Variants in NEGR1 observed in about 807,000 individuals in gnomAD.
NEGR1 encodes IgLON family member 4.
In NEGR1, 10 loss-of-function variants were observed where a neutral mutation model predicts 40.9. The observed-to-expected ratio is 0.24, with a 90% CI of 0.15 to 0.42. The LOEUF (loss-of-function observed/expected upper bound fraction) is 0.42. Ranked by LOEUF, NEGR1 falls within the 10% of genes least tolerant of loss-of-function variation. NEGR1 has a pLI of 1.00. For synonymous variants in NEGR1, 185 were observed against 166.8 expected, an observed-to-expected ratio of 1.11 and a Z score of -0.84; for missense variants, 352 against 438.9, an observed-to-expected ratio of 0.80 and a Z score of 1.77.
intron 2 of NEGR1, among the ~76,000 whole-genome samples, chr1:71,919,941 T>A (rs1041926118): frequency 6.6e-6 from 1 of 152,184 alleles, no homozygotes; most frequent in Admixed American, 6.5e-5. Flanking sequence ...CCCTGGCAGC[T>A]TCTTAATCTG....
At chr1:72,089,055 C>T (rs1240322094) in intron 1 of NEGR1, among the ~76,000 whole-genome samples, 5 of 152,036 alleles carry the variant, frequency 3.3e-5, no homozygotes, top group African/African-American at 7.2e-5. Flanking sequence ...TGATCAATCC[C>T]GTAGTAAATC....
intron 2 of NEGR1, among the ~76,000 whole-genome samples, chr1:71,808,351 C>A (rs72948041): frequency 0.017 from 2,592 of 152,236 alleles, 60 homozygotes; most frequent in African/African-American, 0.059. Context: ...GTCCCTCGCC[C>A]TCCTATAGGT....
intron 3 of NEGR1, among the ~76,000 whole-genome samples, chr1:71,712,999 T>C (rs1446965919): frequency 6.6e-6 from 1 of 152,196 alleles, no homozygotes; most frequent in Non-Finnish European, 1.5e-5. Flanking sequence ...TTAAACATGT[T>C]TTCTTCATTA....
intron 6 of NEGR1, among the ~76,000 whole-genome samples, chr1:71,576,290 A>T (rs992540465): frequency 6.6e-6 from 1 of 152,186 alleles, no homozygotes; most frequent in Non-Finnish European, 1.5e-5. Flanking sequence ...TCTTCTCAGA[A>T]TGAGAGTCCT....
intron 6 of NEGR1, among the ~76,000 whole-genome samples, chr1:71,553,667 AAC>A (rs1648158410): frequency 2.0e-5 from 3 of 151,584 alleles, no homozygotes; most frequent in Admixed American, 6.6e-5. Flanking sequence ...CTAGGAATTA[AAC>A]ACAGATAATT....
chr1:71,883,445 G>T (rs765738268), intron 2 of NEGR1, among the ~76,000 whole-genome samples: 3 of 151,980 alleles, frequency 2.0e-5, no homozygotes, highest in Non-Finnish European at 4.4e-5. Context: ...TGCTCAACAA[G>T]AAGTTATGTT....
intron 4 of NEGR1, among the ~76,000 whole-genome samples, chr1:71,684,163 G>C (rs1380102908): frequency 6.6e-6 from 1 of 151,988 alleles, no homozygotes; most frequent in African/African-American, 2.4e-5. Context: ...CCAGCTACTG[G>C]GGAGGCTGAG....
chr1:71,566,706 A>T (rs1648629550), intron 6 of NEGR1, among the ~76,000 whole-genome samples: 1 of 152,176 alleles, frequency 6.6e-6, no homozygotes, highest in Non-Finnish European at 1.5e-5. Flanking sequence ...TGATCATGTC[A>T]TTATAGATAA....
At chr1:71,928,977 G>A (rs891548994) in intron 2 of NEGR1, among the ~76,000 whole-genome samples, 7 of 152,008 alleles carry the variant, frequency 4.6e-5, no homozygotes, top group Non-Finnish European at 7.4e-5. Flanking sequence ...CCCCTGCAAA[G>A]GGAATAAGAA....
At chr1:71,575,508 G>C (rs1648934289) in intron 6 of NEGR1, among the ~76,000 whole-genome samples, 1 of 152,242 alleles carries the variant, frequency 6.6e-6, no homozygotes, top group African/African-American at 2.4e-5. Context: ...TCCCAGTTGG[G>C]CACGGTGGCT....
chr1:71,604,684 A>G (rs1650025358), intron 5 of NEGR1, among the ~76,000 whole-genome samples: 1 of 152,156 alleles, frequency 6.6e-6, no homozygotes, highest in African/African-American at 2.4e-5. Context: ...TGAACATGGC[A>G]TATTCTACAA....
chr1:71,586,471 C>A (rs1649311844), intron 6 of NEGR1, among the ~76,000 whole-genome samples: 1 of 152,144 alleles, frequency 6.6e-6, no homozygotes, highest in Non-Finnish European at 1.5e-5. Flanking sequence ...TAAAGGGTTT[C>A]ATTGCTTAAG....
intron 6 of NEGR1, among the ~76,000 whole-genome samples, chr1:71,429,248 TG>T (rs1168210020): frequency 5.9e-5 from 9 of 152,166 alleles, no homozygotes; most frequent in African/African-American, 2.2e-4. Flanking sequence ...CAAACTAGCA[TG>T]TAGTATTTAA....
chr1:71,634,614 G>A (rs1470601480), intron 4 of NEGR1, among the ~76,000 whole-genome samples: 1 of 152,076 alleles, frequency 6.6e-6, no homozygotes, highest in East Asian at 1.9e-4. Flanking sequence ...TCTCTTTTAT[G>A]TCTTGAATTG....
At chr1:72,247,792 A>C (rs1014377421) in intron 1 of NEGR1, among the ~76,000 whole-genome samples, 1 of 152,110 alleles carries the variant, frequency 6.6e-6, no homozygotes, top group African/African-American at 2.4e-5. Flanking sequence ...AATTTTCTGT[A>C]TTAGGCCATT....
intron 6 of NEGR1, among the ~76,000 whole-genome samples, chr1:71,525,930 T>C (rs1647211077): frequency 6.6e-6 from 1 of 151,560 alleles, no homozygotes; most frequent in South Asian, 2.1e-4. Flanking sequence ...TCTATATCTT[T>C]AGTGGCATGT....
intron 6 of NEGR1, among the ~76,000 whole-genome samples, chr1:71,491,084 T>C (rs932870995): frequency 2.0e-5 from 3 of 152,014 alleles, no homozygotes; most frequent in Non-Finnish European, 4.4e-5. Context: ...GTTCTGAGTC[T>C]ATAGAATTAA....
intron 4 of NEGR1, among the ~76,000 whole-genome samples, chr1:71,690,565 A>AAC (rs3980432): frequency 0.064 from 7,666 of 119,194 alleles, 308 homozygotes; most frequent in East Asian, 0.12. Context: ...TAAGTTATAT[A>AAC]ACACACACAC....
At chr1:71,717,512 G>A (rs1476106821) in intron 3 of NEGR1, among the ~76,000 whole-genome samples, 2 of 152,022 alleles carry the variant, frequency 1.3e-5, no homozygotes, top group Non-Finnish European at 2.9e-5. Flanking sequence ...TATCTTTCCT[G>A]ATTGTCTGTA....
Sources: allele counts gnomAD v4.1 joint callset (sites outside exome capture counted in the v4.1 genomes callset), GRCh38; gene constraint gnomAD v4.1.1; transcripts MANE v1.5; gene names NCBI Gene and HGNC (gene_info 2026-07-23, HGNC 2026-07-21).